Variants in MS4A15 observed in about 807,000 individuals in gnomAD.
MS4A15 encodes the protein membrane-spanning 4-domains subfamily A member 15.
MS4A15 carries 22 observed loss-of-function variants against 20.6 expected under a neutral mutation model. The ratio of observed to expected loss-of-function variants is 1.07; its 90% CI spans 0.76 to 1.52. The LOEUF (loss-of-function observed/expected upper bound fraction) is 1.52, where lower values mean the gene tolerates loss of function less well. Among genes scored for constraint, MS4A15 ranks in the 40% most tolerant of loss-of-function variants. MS4A15 has a pLI of 0.00. For missense variants in MS4A15, 312 were observed against 323.0 expected (o/e 0.97, Z 0.26); for synonymous variants, 129 against 129.3 (o/e 1.00, Z 0.02).
At chr11:60,772,423 A>AC (rs2134727390) in intron 4 of MS4A15, among the ~76,000 whole-genome samples, 1 of 152,262 alleles carries the variant, frequency 6.6e-6, no homozygotes, top group African/African-American at 2.4e-5. Flanking sequence ...GACTCTCCGG[A>AC]CCAAACCCAG....
chr11:60,761,804 C>T (rs560623378), intron 1 of MS4A15, among the ~76,000 whole-genome samples: 1 of 152,316 alleles, frequency 6.6e-6, no homozygotes, highest in African/African-American at 2.4e-5. Flanking sequence ...TTGTACTACG[C>T]ACTCTTATAT....
At position 60,763,825 on chromosome 11, in the gene MS4A15, C is replaced by CAT. The variant is rs771200159; in HGVS notation, c.93_94dup (p.Ser32TyrfsTer37). 4 of 1,612,570 alleles carry CAT rather than the reference C, an allele frequency of 2.5e-6. No individual in the cohort carries two copies. In the African/African-American group the frequency reaches 5.3e-5, roughly 22 times the overall value. On this transcript the variant is annotated frameshift_variant, in exon 2 of 7. Transcript: ENST00000405633. LOFTEE classifies it high-confidence loss of function. ...TGCCCACCTCCGGCCATTCTGCCCA[C>CAT]ATCCATGTGCCAACCTCCAGGGATT...
intron 6 of MS4A15, among the ~76,000 whole-genome samples, chr11:60,774,840 T>C (rs907968103): frequency 7.2e-5 from 11 of 151,924 alleles, no homozygotes; most frequent in African/African-American, 2.7e-4. Context: ...GGTGAGGGGA[T>C]TGAAGGTCTG....
At chr11:60,766,119 G>A (rs1465671949) in intron 2 of MS4A15, among the ~76,000 whole-genome samples, 1 of 152,178 alleles carries the variant, frequency 6.6e-6, no homozygotes, top group African/African-American at 2.4e-5. Flanking sequence ...AGTGGCCCAC[G>A]CCTGTAATCC....
chr11:60,775,974 A>G lies in MS4A15; in HGVS notation c.*259A>G, dbSNP rs912540093. The G allele has an allele frequency of 3.1e-5, 11 of 353,584 alleles. No individual in the cohort carries two copies. Among genetic ancestry groups the G allele is most frequent in the Non-Finnish European group, 4.7e-5 (9 of 192,570 alleles). 21.9% of individuals were successfully genotyped at this position (353,584 alleles called of 1,614,324 possible). A position where few individuals can be genotyped will look rare whatever the true frequency, so the allele number is the denominator to read the frequency against. ...GCTCCCTGAGCCCTGTCACCCTTCCAGGACACCCACCTTGTGCATCTAAGC... is the reference window on the plus strand; with the variant it reads ...GCTCCCTGAGCCCTGTCACCCTTCCGGGACACCCACCTTGTGCATCTAAGC... On this transcript the variant is annotated 3_prime_UTR_variant, in exon 7 of 7. Coordinates refer to ENST00000405633, the MANE Select transcript of MS4A15 (RefSeq NM_001098835.2).
rs1449152231 is a variant in MS4A15 at position 60,775,933 on chromosome 11, G to A, written c.*218G>A. 6.7e-6 allele frequency: 3 copies of A among 447,722 alleles called. No homozygotes were observed. The highest frequency in any genetic ancestry group is 1.2e-5 in the Non-Finnish European group (3 of 248,404). The allele number at this position is 447,722 out of a possible 1,614,324, so 27.7% of individuals were successfully genotyped here. A position where few individuals can be genotyped will look rare whatever the true frequency, so the allele number is the denominator to read the frequency against. On this transcript the variant is annotated 3_prime_UTR_variant, in exon 7 of 7. Coordinates refer to ENST00000405633, the MANE Select transcript of MS4A15 (RefSeq NM_001098835.2). ...CTAAAAGACACCGGGCTGACGTCAG[G>A]GGTGTGTGTCCTTCAGCTCCCTGAG...
intron 1 of MS4A15, among the ~76,000 whole-genome samples, chr11:60,757,348 T>G (rs2134693412): frequency 6.6e-6 from 1 of 152,256 alleles, no homozygotes; most frequent in South Asian, 2.1e-4. Context: ...GTCATTTTAC[T>G]GAGGTTATTG....
intron 2 of MS4A15, 89 bp downstream of exon 2, chr11:60,764,047 C>T: frequency 8.2e-7 from 1 of 1,219,132 alleles, no homozygotes; most frequent in Non-Finnish European, 1.1e-6. Flanking sequence ...GGGGAGAAGG[C>T]AGTTAACAAA....
At chr11:60,771,501 C>A (rs1321631410) in intron 4 of MS4A15, 154 bp downstream of exon 4, 4 of 1,537,534 alleles carry the variant, frequency 2.6e-6, no homozygotes, top group Non-Finnish European at 3.5e-6. Flanking sequence ...CCAGGCAGAC[C>A]AGACGCAGAC....
At chr11:60,775,020 A>G (rs1202198203) in intron 6 of MS4A15, among the ~76,000 whole-genome samples, 1 of 152,156 alleles carries the variant, frequency 6.6e-6, no homozygotes, top group Non-Finnish European at 1.5e-5. Context: ...CAGTCGGGAG[A>G]GAAAGAACAG....
chr11:60,771,396 A>T (rs377024461), intron 4 of MS4A15, 49 bp downstream of exon 4: 5 of 1,610,300 alleles, frequency 3.1e-6, no homozygotes, highest in Non-Finnish European at 3.4e-6. Context: ...CCACAGCTAA[A>T]TCTCACTCTA....
intron 3 of MS4A15, 26 bp downstream of exon 3, chr11:60,767,681 A>C (rs1457299096): frequency 1.3e-6 from 2 of 1,524,904 alleles, no homozygotes; most frequent in East Asian, 5.0e-5. Flanking sequence ...ATGGAGAGGG[A>C]GGGTAGGGGG....
intron 1 of MS4A15, among the ~76,000 whole-genome samples, chr11:60,761,444 A>G (rs1590974987): frequency 6.6e-6 from 1 of 152,182 alleles, no homozygotes; most frequent in African/African-American, 2.4e-5. Context: ...GACTGGGGAT[A>G]TAAGTTTGAG....
At chr11:60,764,612 T>TA (rs1853835132) in intron 2 of MS4A15, among the ~76,000 whole-genome samples, 2 of 152,178 alleles carry the variant, frequency 1.3e-5, no homozygotes, top group South Asian at 4.1e-4. Context: ...CATGTAGCGT[T>TA]AAAAAGAAAA....
At chr11:60,757,259 C>T (rs934120848) in intron 1 of MS4A15, among the ~76,000 whole-genome samples, 1 of 152,244 alleles carries the variant, frequency 6.6e-6, no homozygotes, top group Non-Finnish European at 1.5e-5. Context: ...CAGGAATGCC[C>T]TTGGTTTCCT....
chr11:60,759,288 G>GGGA (rs1336717619), intron 1 of MS4A15, among the ~76,000 whole-genome samples: 1 of 152,244 alleles, frequency 6.6e-6, no homozygotes, highest in Non-Finnish European at 1.5e-5. Context: ...CAAGGTTTAA[G>GGGA]GGATTTAGGG....
intron 5 of MS4A15, 31 bp downstream of exon 5, chr11:60,773,515 A>G (rs758591099): frequency 6.3e-7 from 1 of 1,594,300 alleles, no homozygotes; most frequent in East Asian, 2.2e-5. Flanking sequence ...CGGGGTGGGA[A>G]AACTTGGAAA....
rs1476497313 is a variant in MS4A15, at chr11:60,776,039, A to T, written c.*324A>T. ...TGGGGAAATCCTGGCCTCATTGGAG[A>T]CTCAGGTTCGAGGCCTGCCCTGACC... On this transcript the variant is annotated 3_prime_UTR_variant, in exon 7 of 7. Transcript: ENST00000405633. 5.0e-6 allele frequency: 1 copy of T among 201,644 alleles called. No individual in the cohort carries two copies. The highest frequency in any genetic ancestry group is 2.3e-5 in the African/African-American group (1 of 43,732). The allele number at this position is 201,644 out of a possible 1,614,324, so 12.5% of individuals were successfully genotyped here. A position where few individuals can be genotyped will look rare whatever the true frequency, so the allele number is the denominator to read the frequency against.
chr11:60,759,599 C>G (rs1853681756), intron 1 of MS4A15, among the ~76,000 whole-genome samples: 1 of 151,812 alleles, frequency 6.6e-6, no homozygotes, highest in South Asian at 2.1e-4. Context: ...AGGAAGTCCT[C>G]TGTTTCCCAC....
Sources: gnomAD v4.1 joint callset for allele counts (sites outside exome capture counted in the v4.1 genomes callset) on GRCh38, gnomAD v4.1.1 for gene constraint, MANE v1.5 for transcripts, NCBI Gene and HGNC (gene_info 2026-07-23, HGNC 2026-07-21) for gene names.